TBATA: variants seen among roughly 807,000 people sequenced by gnomAD.
TBATA encodes the protein protein TBATA.
TBATA carries 47 observed loss-of-function variants against 38.7 expected under a neutral mutation model. The ratio of observed to expected loss-of-function variants is 1.21; its 90% confidence interval spans 0.96 to 1.55. The LOEUF (loss-of-function observed/expected upper bound fraction) is 1.55, where lower values mean the gene tolerates loss of function less well. Ranked by LOEUF, TBATA falls within the 40% of genes most tolerant of loss-of-function variation. The probability of loss-of-function intolerance (pLI) is 0.00; values close to 1 mark genes in which losing one functional copy is unlikely to be tolerated. For missense variants in TBATA, 436 were observed against 435.6 expected (o/e 1.00, Z -0.01); for synonymous variants, 183 against 170.5 (o/e 1.07, Z -0.57).
chr10:70,771,276 G>C lies in TBATA; in HGVS notation c.*100C>G. The C allele has an allele frequency of 6.2e-7, 1 of 1,609,632 alleles. No individual in the cohort carries two copies. Among genetic ancestry groups the C allele is most frequent in the East Asian group, 2.2e-5 (1 of 44,676 alleles). ...GGTTTTATTTAGTAAGAGTTTTCAC[G>C]GTAGGGAATCAGGTACTGCTGTGAA... On this transcript the variant is annotated 3_prime_UTR_variant, in exon 11 of 11. Coordinates refer to ENST00000456372, the MANE Select transcript of TBATA (RefSeq NM_001318241.2).
At chr10:70,772,429 TC>T (rs1413793647) in intron 10 of TBATA, 84 bp downstream of exon 10, 1 of 1,315,494 alleles carries the variant, frequency 7.6e-7, no homozygotes, top group African/African-American at 1.5e-5. Context: ...GGGACTCATC[TC>T]CAAGTTGACT....
Position 70,781,858 on chromosome 10 carries a change from G to T in TBATA, c.220C>A (p.His74Asn). 1 of 1,614,186 alleles carries T rather than the reference G, an allele frequency of 6.2e-7. No individual in the cohort carries two copies. The highest frequency in any genetic ancestry group is 8.5e-7 in the Non-Finnish European group (1 of 1,179,984). ...TGGTGCCGGGAGAAGAAGGAGTGGT[G>T]ACTGAGGCGTCCAAAGCAGTAGGTG... The part of the protein sequence containing the change: ...PGTYCFGRLS[H>N]HSFFSRHHPH... The change falls in exon 4 of 11, where the codon CAC (histidine) becomes AAC (asparagine). Residue 74 changes from histidine to asparagine, a missense_variant. By Grantham distance (68) the His-to-Asn change is moderately conservative. Coordinates refer to ENST00000456372, the MANE Select transcript of TBATA (RefSeq NM_001318241.2).
At chr10:70,778,678 C>T (rs568602352) in intron 5 of TBATA, 42 bp from the exon 6 acceptor site, 3 of 1,554,640 alleles carry the variant, frequency 1.9e-6, no homozygotes, top group East Asian at 2.2e-5. Context: ...AAGTCAGGGG[C>T]CCTCCTCCCC....
At chr10:70,777,668 C>T (rs537922556) in intron 6 of TBATA, 372 of 393,622 alleles carry the variant, frequency 9.5e-4, no homozygotes, top group African/African-American at 6.9e-3. Flanking sequence ...GGGTGGTTCT[C>T]GTTCTCCCTC....
intron 4 of TBATA, 44 bp from the exon 5 acceptor site, chr10:70,779,786 C>T: frequency 6.7e-7 from 1 of 1,502,046 alleles, no homozygotes; most frequent in Non-Finnish European, 8.8e-7. Context: ...TTAGGTGGAC[C>T]TTAAGAGCTC....
Position 70,778,431 on chromosome 10 carries a change from A to T in TBATA, c.507+126T>A, listed in dbSNP as rs938183302. On this transcript the variant is annotated intron_variant, in intron 6 of 10. Coordinates refer to ENST00000456372, the MANE Select transcript of TBATA (RefSeq NM_001318241.2). ...CTCCCTCACTGTGACCTTTCCCCTG[A>T]CGTTTGTATGAATCAGTCCCCCCAC... is the stretch of plus-strand genomic sequence containing the variant. 6.5e-6 allele frequency: 6 copies of T among 929,314 alleles called. No homozygotes were observed. In the East Asian group the frequency reaches 7.2e-5, roughly 11 times the overall value. The allele number at this position is 929,314 out of a possible 1,614,324, so 57.6% of individuals were successfully genotyped here.
chr10:70,782,217 ACTGGTGCAATCCTGTC>A lies in TBATA; in HGVS notation c.42-197_42-182del. 5 of 1,343,280 alleles carry A rather than the reference ACTGGTGCAATCCTGTC, an allele frequency of 3.7e-6. No homozygotes were observed. In the South Asian group the frequency reaches 6.3e-5, roughly 17 times the overall value. The allele number at this position is 1,343,280 out of a possible 1,614,324, so 83.2% of individuals were successfully genotyped here. The stretch of plus-strand genomic sequence containing the variant: ...AGGCCTCCCCCAGAGTCCTTTCCCA[ACTGGTGCAATCCTGTC>A]CTGGTTAGTCTTCCTTATCAGGGAG... On this transcript the variant is annotated intron_variant, in intron 3 of 10. Coordinates refer to ENST00000456372, the MANE Select transcript of TBATA (RefSeq NM_001318241.2).
In TBATA at chr10:70,774,335, G is replaced by A. The variant is rs763368087; in HGVS notation, c.798C>T (p.Leu266=). ...PPKEKDLALG[L]LQTAVAQLLP... is the part of the protein sequence containing the mutation. ...GGAGCTGAGCCACTGCTGTCTGCAG[G>A]AGTCCCAGAGCGAGGTCTTTTTCTG... Residue 266 remains leucine, a synonymous_variant, in exon 9 of 11, where the codon CTC becomes CTT. Transcript: ENST00000456372. The A allele has an allele frequency of 1.9e-6, 3 of 1,601,264 alleles. No individual in the cohort carries two copies.
At chr10:70,776,967 G>A (rs1843484245) in intron 7 of TBATA, among the ~76,000 whole-genome samples, 186 bp downstream of exon 7, 1 of 152,142 alleles carries the variant, frequency 6.6e-6, no homozygotes, top group South Asian at 2.1e-4. Context: ...GGAGGGGAAA[G>A]GACTCACATG....
At chr10:70,779,864 G>T in intron 4 of TBATA, 122 bp from the exon 5 acceptor site, 1 of 1,055,248 alleles carries the variant, frequency 9.5e-7, no homozygotes, top group Non-Finnish European at 1.3e-6. Context: ...ACCACCAGCT[G>T]ATAGATTATC....
chr10:70,772,437 G>T, intron 10 of TBATA, 77 bp downstream of exon 10: 2 of 1,398,754 alleles, frequency 1.4e-6, no homozygotes, highest in South Asian at 2.3e-5. Context: ...TCTCCAAGTT[G>T]ACTGGAATCC....
intron 4 of TBATA, among the ~76,000 whole-genome samples, chr10:70,781,528 G>GTT (rs1460407949): frequency 2.0e-5 from 3 of 152,250 alleles, no homozygotes; most frequent in Non-Finnish European, 4.4e-5. Flanking sequence ...ACAGAGCACT[G>GTT]CTCCAGGACA....
intron 4 of TBATA, among the ~76,000 whole-genome samples, chr10:70,780,448 C>T (rs1173488014): frequency 6.6e-6 from 1 of 152,062 alleles, no homozygotes; most frequent in Non-Finnish European, 1.5e-5. Context: ...ATCTCCTCTG[C>T]CGACTTCTCA....
At position 70,783,358 on chromosome 10, in the gene TBATA, C is replaced by A. The variant is rs1589425346; in HGVS notation, c.22G>T (p.Ala8Ser). ...CCTCACCTCATCAGTGGATAATCAG[C>A]CAATTGAACATCTGTAGCCATTGTA... is the stretch of plus-strand genomic sequence containing the variant. MATDVQL[A>S]DYPLMSPKAE... The change falls in exon 3 of 11, where the codon GCT becomes TCT. Residue 8 changes from alanine (A) to serine (S), a missense_variant. Transcript: ENST00000456372. The A allele has an allele frequency of 1.9e-6, 3 of 1,614,118 alleles. No homozygotes were observed. Among genetic ancestry groups the A allele is most frequent in the Non-Finnish European group, 2.5e-6 (3 of 1,180,002 alleles).
chr10:70,781,655 TG>T, intron 4 of TBATA, 145 bp downstream of exon 4: 2 of 762,346 alleles, frequency 2.6e-6, no homozygotes, highest in Non-Finnish European at 4.3e-6. Context: ...CAGTCCTGGC[TG>T]GGTTCTTTGG....
intron 9 of TBATA, among the ~76,000 whole-genome samples, chr10:70,773,207 C>CA (rs1340041945): frequency 6.6e-6 from 1 of 152,066 alleles, no homozygotes; most frequent in African/African-American, 2.4e-5. Context: ...CAAGGCCTTG[C>CA]AAGAACCCAT....
intron 4 of TBATA, among the ~76,000 whole-genome samples, chr10:70,781,331 T>G (rs1844185018): frequency 6.6e-6 from 1 of 152,186 alleles, no homozygotes; most frequent in African/African-American, 2.4e-5. Flanking sequence ...CTTGACACCT[T>G]CCCCATCTCC....
chr10:70,775,235 G>A lies in TBATA; in HGVS notation c.729C>T (p.Asp243=), dbSNP rs774957886. ...GCCAGAACTGGATTGCGCTTAGCAA[G>A]TCTGTTTCCAGGATCCGACACAGGA... ...LELLCRILET[D]LLSAIQFWLL... is the part of the protein sequence containing the mutation. The change falls in exon 8 of 11, where the codon GAC becomes GAT. Residue 243 remains aspartate (D), a synonymous_variant. Transcript: ENST00000456372. 3.5e-5 allele frequency: 56 copies of A among 1,614,076 alleles called. No individual in the cohort carries two copies. The South Asian group carries it at 5.7e-4, about 16-fold the overall frequency.
intron 7 of TBATA, among the ~76,000 whole-genome samples, chr10:70,775,575 C>T (rs140060972): frequency 1.8e-3 from 271 of 151,992 alleles, no homozygotes; most frequent in African/African-American, 6.4e-3. Flanking sequence ...ACGACCTCAG[C>T]GAAAGGTTCT....
Sources: gnomAD v4.1 joint callset for allele counts (sites outside exome capture counted in the v4.1 genomes callset) on GRCh38, gnomAD v4.1.1 for gene constraint, MANE v1.5 for transcripts, NCBI Gene and HGNC (gene_info 2026-07-23, HGNC 2026-07-21) for gene names.